NLGN1: variants seen among roughly 807,000 people sequenced by gnomAD.
NLGN1 encodes the protein neuroligin 1.
In NLGN1, 12 loss-of-function variants were observed where a neutral mutation model predicts 65.5. The ratio of observed to expected loss-of-function variants is 0.18; its 90% CI spans 0.12 to 0.30. The LOEUF (loss-of-function observed/expected upper bound fraction) is 0.30, where lower values mean the gene tolerates loss of function less well. NLGN1 is among the 10% of genes least tolerant of loss of function. The pLI, the probability that NLGN1 is intolerant of heterozygous loss-of-function variation, is 1.00. For synonymous variants in NLGN1, 350 were observed against 359.5 expected (o/e 0.97, Z 0.30); for missense variants, 750 against 1,007.1 (o/e 0.74, Z 3.46).
intron 4 of NLGN1, among the ~76,000 whole-genome samples, chr3:174,132,919 G>A (rs1014262799): frequency 1.3e-5 from 2 of 152,132 alleles, no homozygotes; most frequent in African/African-American, 4.8e-5. Context: ...GACAAATTAG[G>A]CTTAACCACT....
chr3:173,799,736 T>G (rs901336695), intron 3 of NLGN1, among the ~76,000 whole-genome samples: 5 of 151,890 alleles, frequency 3.3e-5, no homozygotes, highest in African/African-American at 1.2e-4. Context: ...ACAAGTAATT[T>G]TAAAAAGTCA....
chr3:173,792,815 C>T (rs1713109000), intron 3 of NLGN1, among the ~76,000 whole-genome samples: 1 of 152,104 alleles, frequency 6.6e-6, no homozygotes. Flanking sequence ...CATTAATCTG[C>T]ACTGCGTTTT....
Position 173,523,984 on chromosome 3 carries a change from G to A in NLGN1, c.-320-80295G>A, listed in dbSNP as rs549876677. 6.3e-5 allele frequency among the ~76,000 whole-genome samples: 9 copies of A among 143,980 alleles called. 1 individual carries two copies. The highest frequency in any genetic ancestry group is 4.1e-4 in the East Asian group (2 of 4,860). The allele number at this position is 143,980 out of a possible 152,430, so 94.5% of individuals were successfully genotyped here. A position where few individuals can be genotyped will look rare whatever the true frequency, so the allele number is the denominator to read the frequency against. ...CACCCAGGCTGGAGTGCAGTGGCAC[G>A]ATCTCGGCTCACTGCAAGCTCTGCC... On this transcript the variant is annotated intron_variant, in intron 2 of 6. Coordinates refer to ENST00000457714, the Ensembl canonical transcript of NLGN1.
At chr3:173,785,638 T>C (rs1781829708) in intron 3 of NLGN1, among the ~76,000 whole-genome samples, 1 of 152,104 alleles carries the variant, frequency 6.6e-6, no homozygotes, top group Admixed American at 6.5e-5. Context: ...GATATTTTAA[T>C]GGCATACAGA....
chr3:173,510,332 C>G (rs1047992047), intron 2 of NLGN1, among the ~76,000 whole-genome samples: 5 of 152,146 alleles, frequency 3.3e-5, no homozygotes, highest in Admixed American at 1.3e-4. Context: ...TTAGGCTCAG[C>G]AGGTGATATC....
intron 3 of NLGN1, among the ~76,000 whole-genome samples, chr3:173,697,907 G>T (rs562567329): frequency 6.6e-6 from 1 of 151,996 alleles, no homozygotes; most frequent in Non-Finnish European, 1.5e-5. Flanking sequence ...TGATTAGAGG[G>T]TAAATGTGCA....
At chr3:173,474,064 T>A (rs1331667854) in intron 2 of NLGN1, among the ~76,000 whole-genome samples, 1 of 152,190 alleles carries the variant, frequency 6.6e-6, no homozygotes, top group Admixed American at 6.5e-5. Flanking sequence ...GTTGAACTTT[T>A]TAATACTGGG....
At chr3:173,993,152 C>T (rs967789677) in intron 4 of NLGN1, among the ~76,000 whole-genome samples, 1 of 152,100 alleles carries the variant, frequency 6.6e-6, no homozygotes, top group Non-Finnish European at 1.5e-5. Flanking sequence ...TTAATACTCT[C>T]GTTATGCGTG....
At chr3:173,704,796 C>T (rs190749065) in intron 3 of NLGN1, among the ~76,000 whole-genome samples, 28 of 152,164 alleles carry the variant, frequency 1.8e-4, no homozygotes, top group African/African-American at 6.7e-4. Context: ...TAGGGGTTGG[C>T]GTTCACTTTT....
intron 3 of NLGN1, chr3:173,685,558 G>A: frequency 2.7e-6 from 2 of 748,428 alleles, no homozygotes; most frequent in Non-Finnish European, 3.3e-6. Context: ...GGGCTGCCAG[G>A]CAGTCATCAA....
chr3:174,099,354 C>T (rs1711869754), intron 4 of NLGN1, among the ~76,000 whole-genome samples: 1 of 152,130 alleles, frequency 6.6e-6, no homozygotes, highest in Non-Finnish European at 1.5e-5. Context: ...CTGTAGATAA[C>T]ATGCATATGC....
Position 173,973,144 on chromosome 3 carries a change from C to T in NLGN1, c.646+165312C>T, listed in dbSNP as rs183845426. Among the ~76,000 whole-genome samples, 42 of 152,164 alleles carry T rather than the reference C, an allele frequency of 2.8e-4. 2 individuals are homozygous for T. The East Asian group carries it at 8.1e-3, about 29-fold the overall frequency. On this transcript the variant is annotated intron_variant, in intron 4 of 6. Coordinates refer to ENST00000457714, the Ensembl canonical transcript of NLGN1. ...TGTAAAGTCTATATGACCCAATGCACTGGAAGTCTTTAGAACAATCTCTAG... is the reference window on the plus strand; with the variant it reads ...TGTAAAGTCTATATGACCCAATGCATTGGAAGTCTTTAGAACAATCTCTAG...
chr3:174,042,061 A>G (rs1164361706), intron 4 of NLGN1, among the ~76,000 whole-genome samples: 1 of 152,092 alleles, frequency 6.6e-6, no homozygotes, highest in East Asian at 1.9e-4. Context: ...CTCCAAAAAA[A>G]AAACATTAGA....
At chr3:174,013,325 G>A (rs952824135) in intron 4 of NLGN1, among the ~76,000 whole-genome samples, 1 of 152,084 alleles carries the variant, frequency 6.6e-6, no homozygotes, top group East Asian at 1.9e-4. Flanking sequence ...TGCATGATTT[G>A]CAAATGACTG....
At chr3:173,528,793 CT>C (rs1736072255) in intron 2 of NLGN1, among the ~76,000 whole-genome samples, 1 of 152,106 alleles carries the variant, frequency 6.6e-6, no homozygotes, top group African/African-American at 2.4e-5. Context: ...TCCAAACGTT[CT>C]GTTTGTTTTT....
intron 4 of NLGN1, among the ~76,000 whole-genome samples, chr3:173,998,415 G>A (rs772628111): frequency 3.9e-4 from 60 of 152,184 alleles, no homozygotes; most frequent in Admixed American, 2.6e-4. Flanking sequence ...AATTCGTAAT[G>A]TTCTGACTTC....
At chr3:174,129,497 A>T (rs1381381615) in intron 4 of NLGN1, among the ~76,000 whole-genome samples, 1 of 152,138 alleles carries the variant, frequency 6.6e-6, no homozygotes, top group Non-Finnish European at 1.5e-5. Flanking sequence ...AAAAGCTCAG[A>T]ATTTTTCAAA....
At chr3:174,196,639 G>C (rs975137188) in intron 4 of NLGN1, among the ~76,000 whole-genome samples, 2 of 152,034 alleles carry the variant, frequency 1.3e-5, no homozygotes, top group African/African-American at 4.8e-5. Context: ...CATTTTCAGC[G>C]ATCTTAGATC....
chr3:174,106,801 C>G lies in NLGN1; in HGVS notation c.647-168514C>G, dbSNP rs192553960. On this transcript the variant is annotated intron_variant, in intron 4 of 6. Coordinates refer to ENST00000457714, the Ensembl canonical transcript of NLGN1. ...ACTCTGAAGGCCTAAGAACCAAGAG[C>G]TGTGATGTCTGAGGGCAGGAGAAGA... Among the ~76,000 whole-genome samples, 467 of 152,118 alleles carry G rather than the reference C, an allele frequency of 3.1e-3. 3 individuals are homozygous for G. Among genetic ancestry groups the G allele is most frequent in the African/African-American group, 0.011 (447 of 41,508 alleles).
Sources: gnomAD v4.1 joint callset for allele counts (sites outside exome capture counted in the v4.1 genomes callset) on GRCh38, gnomAD v4.1.1 for gene constraint, MANE v1.5 for transcripts, NCBI Gene and HGNC (gene_info 2026-07-23, HGNC 2026-07-21) for gene names.